The following ACOT2 variants were observed in gnomAD, a reference collection of about 807,000 sequenced individuals.
The protein encoded by ACOT2 is acyl-coenzyme A thioesterase 2, mitochondrial.
In ACOT2, 15 loss-of-function variants were observed where a neutral mutation model predicts 20.1. That is an observed-to-expected ratio of 0.75 (90% CI 0.50 to 1.15). ACOT2 has a LOEUF of 1.15. Ranked by LOEUF, ACOT2 falls within the 50% of genes most tolerant of loss-of-function variation. ACOT2 has a pLI of 0.00. For synonymous variants in ACOT2, 252 were observed against 268.4 expected (o/e 0.94, Z 0.60); for missense variants, 479 against 615.3 (o/e 0.78, Z 2.34).
chr14:73,571,220 GCAGGAC>G (rs1291991983), intron 1 of ACOT2: 1 of 152,730 alleles, frequency 6.5e-6, no homozygotes, highest in Non-Finnish European at 1.5e-5. Flanking sequence ...CCTATGCATG[GCAGGAC>G]CAGGTACTAT....
At chr14:73,572,250 G>C (rs1052513560) in intron 1 of ACOT2, among the ~76,000 whole-genome samples, 3 of 141,024 alleles carry the variant, frequency 2.1e-5, no homozygotes, top group Non-Finnish European at 4.6e-5. Context: ...ATCAACAATA[G>C]AACAGATTAA....
upstream of ACOT2, chr14:73,567,653 G>A (rs1386794982): frequency 6.6e-6 from 1 of 152,064 alleles, no homozygotes; most frequent in South Asian, 2.1e-4. Flanking sequence ...GCTGATGGAA[G>A]CTTTGTTCTT....
intron 1 of ACOT2, among the ~76,000 whole-genome samples, chr14:73,572,175 C>CAATTG (rs1555396504): frequency 4.9e-5 from 1 of 20,524 alleles, no homozygotes. Flanking sequence ...TTATAAGAGG[C>CAATTG]CAGATGAGCA....
rs1889680921 is a variant in ACOT2, at chr14:73,569,827, T to TGCGGCGCGAGCCGGTGC, written c.591_607dup (p.Val203GlyfsTer51). On this transcript the variant is annotated frameshift_variant, in exon 1 of 3. Coordinates refer to ENST00000238651, the MANE Select transcript of ACOT2 (RefSeq NM_006821.6). LOFTEE classifies it high-confidence loss of function. ...GAGCGCTACTTCCTCCCGCCCGGGG[T>TGCGGCGCGAGCCGGTGC]GCGGCGCGAGCCGGTGCGCGTGGGC... 6.3e-7 allele frequency: 1 copy of TGCGGCGCGAGCCGGTGC among 1,598,204 alleles called. No homozygotes were observed. Among genetic ancestry groups the TGCGGCGCGAGCCGGTGC allele is most frequent in the Non-Finnish European group, 8.5e-7 (1 of 1,174,052 alleles).
At position 73,573,526 on chromosome 14, in the gene ACOT2, C is replaced by T; in HGVS notation, c.782C>T (p.Thr261Ile). The T allele has an allele frequency of 6.2e-7, 1 of 1,613,656 alleles. No homozygotes were observed. Among genetic ancestry groups the T allele is most frequent in the Non-Finnish European group, 8.5e-7 (1 of 1,179,692 alleles). The change falls in exon 2 of 3, where the codon ACC becomes ATC. Residue 261 changes from threonine (T) to isoleucine (I), a missense_variant. Physicochemically the swap from Thr to Ile is moderately conservative, Grantham distance 89. Coordinates refer to ENST00000238651, the MANE Select transcript of ACOT2 (RefSeq NM_006821.6). ...AYYNYEDLPK[T>I]METLHLEYFE... is the part of the protein sequence containing the mutation. ...TATAACTATGAAGACCTCCCCAAGA[C>T]CATGGAGACGCTCCATCTGGAGTAC...
chr14:73,568,705 G>A (rs1029019747), upstream of ACOT2, among the ~76,000 whole-genome samples: 7 of 151,966 alleles, frequency 4.6e-5, 1 homozygote, highest in African/African-American at 7.2e-5. Flanking sequence ...GGATTACAAA[G>A]TCAGGAGTTT....
In ACOT2 at chr14:73,569,406, A is replaced by G. The variant is rs759291990; in HGVS notation, c.166A>G (p.Ile56Val). 3 of 1,613,936 alleles carry G rather than the reference A, an allele frequency of 1.9e-6. No individual in the cohort carries two copies. In the East Asian group the frequency reaches 6.7e-5, roughly 36 times the overall value. ...GSPQLRQVGQ[I>V]IRVPARMAAT... ...TCCACAGCTGAGGCAGGTTGGTCAG[A>G]TCATTAGGGTTCCTGCTCGGATGGC... is the stretch of plus-strand genomic sequence containing the variant. The change falls in exon 1 of 3, where the codon ATC (isoleucine) becomes GTC (valine). Residue 56 changes from isoleucine to valine, a missense_variant. By Grantham distance (29) the Ile-to-Val change is conservative. Coordinates refer to ENST00000238651, the MANE Select transcript of ACOT2 (RefSeq NM_006821.6).
chr14:73,574,836 G>A, intron 2 of ACOT2, 72 bp from the exon 3 acceptor site: 1 of 1,607,906 alleles, frequency 6.2e-7, no homozygotes, highest in Non-Finnish European at 8.5e-7. Flanking sequence ...TAACTTCCAG[G>A]GTGGACACAA....
intron 1 of ACOT2, among the ~76,000 whole-genome samples, chr14:73,572,200 A>T (rs1240391641): frequency 5.5e-5 from 5 of 90,220 alleles, no homozygotes; most frequent in African/African-American, 1.5e-4. Flanking sequence ...GGATTAATTT[A>T]AAAAAAGAGC....
Position 73,569,271 on chromosome 14 carries a change from C to T in ACOT2, c.31C>T (p.His11Tyr), listed in dbSNP as rs1889656988. ...TAACAAGCTTCTTTCTCCCCACCCC[C>T]ATTCAGTTGTTCTCAGGTCTGAATT... MSNKLLSPHP[H>Y]SVVLRSEFKM... The change falls in exon 1 of 3, where the codon CAT becomes TAT. Residue 11 changes from histidine to tyrosine, a missense_variant. Physicochemically the swap from His to Tyr is moderately conservative, Grantham distance 83. Coordinates refer to ENST00000238651, the MANE Select transcript of ACOT2 (RefSeq NM_006821.6). 1 of 1,613,832 alleles carries T rather than the reference C, an allele frequency of 6.2e-7. No individual in the cohort carries two copies.
At chr14:73,573,293 C>T (rs1280212667) in intron 1 of ACOT2, 95 bp from the exon 2 acceptor site, 2 of 1,565,838 alleles carry the variant, frequency 1.3e-6, no homozygotes, top group East Asian at 4.5e-5. Context: ...AGTGGGATTG[C>T]TGGGTCACAT....
intron 1 of ACOT2, 76 bp downstream of exon 1, chr14:73,569,959 C>T: frequency 6.7e-7 from 1 of 1,500,544 alleles, no homozygotes; most frequent in Non-Finnish European, 8.9e-7. Context: ...ACGCTTTTCG[C>T]TTATGTGTAT....
intron 2 of ACOT2, 38 bp from the exon 3 acceptor site, chr14:73,574,870 G>T (rs750094564): frequency 6.2e-7 from 1 of 1,613,404 alleles, no homozygotes; most frequent in Non-Finnish European, 8.5e-7. Flanking sequence ...ACTGTTTGTG[G>T]AATCATTCTT....
chr14:73,568,106 A>G (rs1280085221), upstream of ACOT2: 1 of 152,106 alleles, frequency 6.6e-6, no homozygotes. Flanking sequence ...TAGGCACAGA[A>G]CATACTTGAG....
At chr14:73,573,734 G>A in intron 2 of ACOT2, 144 bp downstream of exon 2, 1 of 1,055,118 alleles carries the variant, frequency 9.5e-7, no homozygotes, top group Non-Finnish European at 1.4e-6. Context: ...CTTATAGACA[G>A]TTTCTTTTTT....
rs10643094 is a variant in ACOT2, at chr14:73,572,177, A to ATTGCC, written c.644-1211_644-1210insTTGCC. On this transcript the variant is annotated intron_variant, in intron 1 of 2. Transcript: ENST00000238651. The stretch of plus-strand genomic sequence containing the variant: ...GGAGGCATATTCCTTATAAGAGGCC[A>ATTGCC]GATGAGCAGTCTGGATTAATTTAAA... Among the ~76,000 whole-genome samples, 24 of 50,386 alleles carry ATTGCC rather than the reference A, an allele frequency of 4.8e-4. 2 individuals carry two copies. Among genetic ancestry groups the ATTGCC allele is most frequent in the African/African-American group, 4.4e-3 (23 of 5,242 alleles). 33.1% of individuals were successfully genotyped at this position (50,386 alleles called of 152,430 possible). A position where few individuals can be genotyped will look rare whatever the true frequency, so the allele number is the denominator to read the frequency against.
intron 1 of ACOT2, chr14:73,571,235 A>G (rs1889739334): frequency 6.5e-6 from 1 of 153,314 alleles, no homozygotes; most frequent in African/African-American, 2.4e-5. Context: ...ACCAGGTACT[A>G]TTGTGGCCTC....
chr14:73,568,076 T>G (rs1189357637), upstream of ACOT2: 1 of 152,174 alleles, frequency 6.6e-6, no homozygotes, highest in Non-Finnish European at 1.5e-5. Flanking sequence ...ATTATTTGCC[T>G]TCTTACTTCC....
intron 1 of ACOT2, among the ~76,000 whole-genome samples, chr14:73,572,344 GA>G (rs938256845): frequency 5.4e-5 from 8 of 148,590 alleles, no homozygotes; most frequent in Admixed American, 1.3e-4. Flanking sequence ...CAAAAGAAAA[GA>G]AAAAAAAAGA....
Sources: allele counts gnomAD v4.1 joint callset (sites outside exome capture counted in the v4.1 genomes callset), GRCh38; gene constraint gnomAD v4.1.1; transcripts MANE v1.5; gene names NCBI Gene and HGNC (gene_info 2026-07-23, HGNC 2026-07-21).